The following EFCAB11 variants were observed in gnomAD, a reference collection of about 807,000 sequenced individuals.
EFCAB11 encodes EF-hand calcium-binding domain-containing protein 11.
EFCAB11 carries 14 observed loss-of-function variants against 23.0 expected under a neutral mutation model. That is an observed-to-expected ratio of 0.61 (90% CI 0.40 to 0.95). EFCAB11 has a LOEUF of 0.95. Ranked by LOEUF, EFCAB11 falls within the 40% of genes least tolerant of loss-of-function variation. The pLI is 0.00. For synonymous variants in EFCAB11, 65 were observed against 66.6 expected (o/e 0.98, Z 0.11); for missense variants, 198 against 195.8 (o/e 1.01, Z -0.07).
At chr14:89,820,999 T>G (rs1001819187) in intron 5 of EFCAB11, among the ~76,000 whole-genome samples, 1 of 152,164 alleles carries the variant, frequency 6.6e-6, no homozygotes, top group Non-Finnish European at 1.5e-5. Flanking sequence ...CACTGCCACC[T>G]TGAACTCCTG....
chr14:89,801,760 G>A (rs561629431), intron 5 of EFCAB11, among the ~76,000 whole-genome samples: 41 of 152,260 alleles, frequency 2.7e-4, no homozygotes, highest in Non-Finnish European at 5.0e-4. Context: ...TTGGGAGGCC[G>A]CGGCAGGTGG....
chr14:89,933,865 G>C (rs938086439), intron 3 of EFCAB11, among the ~76,000 whole-genome samples: 1 of 152,236 alleles, frequency 6.6e-6, no homozygotes, highest in Non-Finnish European at 1.5e-5. Context: ...TGGTGACAGA[G>C]AGAGCCCTTC....
chr14:89,878,839 G>T (rs1888518880), intron 5 of EFCAB11, among the ~76,000 whole-genome samples: 1 of 151,630 alleles, frequency 6.6e-6, no homozygotes, highest in South Asian at 2.1e-4. Context: ...TCTTGTATCT[G>T]ACCACTTTAC....
At position 89,873,213 on chromosome 14, in the gene EFCAB11, A is replaced by G. The variant is rs1596414930; in HGVS notation, c.410+58328T>C. 2.0e-5 allele frequency among the ~76,000 whole-genome samples: 3 copies of G among 152,252 alleles called. No individual in the cohort carries two copies. In the Middle Eastern group the frequency reaches 0.01, roughly 518 times the overall value. On this transcript the variant is annotated intron_variant, in intron 5 of 5. Coordinates refer to ENST00000316738, the MANE Select transcript of EFCAB11 (RefSeq NM_145231.4). ...ATCTTACGTGGCGGCAGGCAAGAGA[A>G]CTTGTGCAGGGGAACTCCCGTTTAT...
At chr14:89,848,727 G>C (rs1370298579) in intron 5 of EFCAB11, 1 of 152,300 alleles carries the variant, frequency 6.6e-6, no homozygotes, top group African/African-American at 2.4e-5. Context: ...AGGAGTTTGA[G>C]ACCAGCCTGG....
chr14:89,888,979 C>A (rs114887382), intron 5 of EFCAB11, among the ~76,000 whole-genome samples: 1 of 152,086 alleles, frequency 6.6e-6, no homozygotes, highest in Non-Finnish European at 1.5e-5. Flanking sequence ...ACAGAAAGAA[C>A]CATGGCAGTA....
At chr14:89,883,798 A>T (rs1888671295) in intron 5 of EFCAB11, among the ~76,000 whole-genome samples, 1 of 152,168 alleles carries the variant, frequency 6.6e-6, no homozygotes, top group Admixed American at 6.5e-5. Flanking sequence ...TGTTAGATAT[A>T]GACAAATTTA....
intron 5 of EFCAB11, among the ~76,000 whole-genome samples, chr14:89,806,549 T>A (rs1885975008): frequency 6.6e-6 from 1 of 152,172 alleles, no homozygotes; most frequent in Admixed American, 6.5e-5. Flanking sequence ...GAACTAATCA[T>A]AACAAATCTG....
intron 5 of EFCAB11, among the ~76,000 whole-genome samples, chr14:89,929,985 T>G (rs1890334952): frequency 6.6e-6 from 1 of 152,324 alleles, no homozygotes; most frequent in South Asian, 2.1e-4. Flanking sequence ...AGAAAATGAG[T>G]ATCAATTTTT....
intron 5 of EFCAB11, among the ~76,000 whole-genome samples, chr14:89,859,219 A>G (rs1482397616): frequency 6.6e-6 from 1 of 152,184 alleles, no homozygotes; most frequent in Non-Finnish European, 1.5e-5. Context: ...ATAACTTGGT[A>G]TGGGTAATGT....
intron 5 of EFCAB11, among the ~76,000 whole-genome samples, chr14:89,799,958 G>T (rs1885715902): frequency 6.6e-6 from 1 of 152,168 alleles, no homozygotes; most frequent in Admixed American, 6.5e-5. Flanking sequence ...GGCCCAGGCG[G>T]GTGGATCACC....
At chr14:89,879,943 C>A (rs574512015) in intron 5 of EFCAB11, among the ~76,000 whole-genome samples, 1 of 152,282 alleles carries the variant, frequency 6.6e-6, no homozygotes, top group East Asian at 1.9e-4. Context: ...CCAGAACAAA[C>A]CTGTTCTATC....
chr14:89,954,451 T>A (rs1053304479), intron 1 of EFCAB11, 135 bp downstream of exon 1: 3 of 1,538,024 alleles, frequency 2.0e-6, no homozygotes, highest in Non-Finnish European at 2.6e-6. Flanking sequence ...GGATCAGTCA[T>A]TAACCACGAC....
intron 5 of EFCAB11, among the ~76,000 whole-genome samples, chr14:89,852,680 GT>G (rs1421930307): frequency 6.6e-6 from 1 of 152,186 alleles, no homozygotes. Context: ...CTTTCTAGAT[GT>G]TTTATTCCTC....
intron 2 of EFCAB11, 135 bp downstream of exon 2, chr14:89,953,771 T>C: frequency 1.6e-6 from 1 of 634,918 alleles, no homozygotes; most frequent in South Asian, 2.2e-5. Context: ...GAAGCTAAAA[T>C]TCAGCACTGG....
chr14:89,899,657 AT>A (rs1402107967), intron 5 of EFCAB11, among the ~76,000 whole-genome samples: 2 of 152,210 alleles, frequency 1.3e-5, no homozygotes, highest in Non-Finnish European at 2.9e-5. Flanking sequence ...ACTATGCAAT[AT>A]TTTTTATGTG....
At chr14:89,920,286 G>A (rs1889982115) in intron 5 of EFCAB11, among the ~76,000 whole-genome samples, 1 of 152,174 alleles carries the variant, frequency 6.6e-6, no homozygotes, top group Admixed American at 6.5e-5. Context: ...ATAGGAACAG[G>A]GAAAAGCCAT....
intron 5 of EFCAB11, among the ~76,000 whole-genome samples, chr14:89,921,950 T>TC (rs1449514150): frequency 1.3e-5 from 2 of 152,180 alleles, no homozygotes; most frequent in Non-Finnish European, 2.9e-5. Flanking sequence ...AGCTATCTAC[T>TC]ACAAAAGAAA....
In EFCAB11 at chr14:89,818,700, C is replaced by T. The variant is rs140929197; in HGVS notation, c.411-21376G>A. Among the ~76,000 whole-genome samples, 223 of 152,030 alleles carry T rather than the reference C, an allele frequency of 1.5e-3. 3 individuals are homozygous for T. Among genetic ancestry groups the T allele is most frequent in the South Asian group, 0.011 (54 of 4,814 alleles). On this transcript the variant is annotated intron_variant, in intron 5 of 5. Coordinates refer to ENST00000316738, the MANE Select transcript of EFCAB11 (RefSeq NM_145231.4). ...AAACTCAATAATAAAGCAAATACCACGTAAAAAATAGGTGAGAGATTTGAA... is the reference window on the plus strand; with the variant it reads ...AAACTCAATAATAAAGCAAATACCATGTAAAAAATAGGTGAGAGATTTGAA...
Sources: allele counts gnomAD v4.1 joint callset (sites outside exome capture counted in the v4.1 genomes callset), GRCh38; gene constraint gnomAD v4.1.1; transcripts MANE v1.5; gene names NCBI Gene and HGNC (gene_info 2026-07-23, HGNC 2026-07-21).